Variants in RIOX2 observed in about 807,000 individuals in gnomAD.
RIOX2 encodes the protein ribosomal oxygenase 2.
A neutral mutation model predicts 51.2 loss-of-function variants in RIOX2; 43 were observed. The observed-to-expected ratio is 0.84, with a 90% CI of 0.66 to 1.08. The LOEUF (loss-of-function observed/expected upper bound fraction) is 1.08. Among genes scored for constraint, RIOX2 ranks in the 50% least tolerant of loss-of-function variants. RIOX2 has a pLI of 0.00. For missense variants in RIOX2, 566 were observed against 561.7 expected, an observed-to-expected ratio of 1.01 and a Z score of -0.08; for synonymous variants, 226 against 218.5, an observed-to-expected ratio of 1.03 and a Z score of -0.30.
Position 97,961,647 on chromosome 3 carries a change from T to A in RIOX2, c.494A>T (p.Asn165Ile). ...AGATCCTGCGGGAGTTATGTACACA[T>A]TCGAGCCAACCAAGGAGCCAAAGTA... Reference protein sequence around the residue: ...ECYFGSLVGSNVYITPAGSQG... With the variant: ...ECYFGSLVGSIVYITPAGSQG... The change falls in exon 3 of 10, where the codon AAT becomes ATT. Residue 165 changes from asparagine (N) to isoleucine (I), a missense_variant. Transcript: ENST00000394198. The A allele has an allele frequency of 6.2e-7, 1 of 1,612,906 alleles. No homozygotes were observed. Among genetic ancestry groups the A allele is most frequent in the Non-Finnish European group, 8.5e-7 (1 of 1,179,708 alleles).
At chr3:97,957,525 A>G (rs1055358596) in intron 4 of RIOX2, among the ~76,000 whole-genome samples, 1 of 151,074 alleles carries the variant, frequency 6.6e-6, no homozygotes, top group South Asian at 2.1e-4. Context: ...TGACATGCAC[A>G]TACACATACA....
chr3:97,963,696 T>C (rs1222486719), intron 2 of RIOX2, among the ~76,000 whole-genome samples: 2 of 152,186 alleles, frequency 1.3e-5, no homozygotes, highest in South Asian at 2.1e-4. Context: ...TAGGTGATTT[T>C]ATGGTTCCCG....
At position 97,942,670 on chromosome 3, in the gene RIOX2, C is replaced by T; in HGVS notation, c.*2514G>A. 1 of 399,372 alleles carries T rather than the reference C, an allele frequency of 2.5e-6. No individual in the cohort carries two copies. Among genetic ancestry groups the T allele is most frequent in the South Asian group, 5.9e-5 (1 of 17,086 alleles). The allele number at this position is 399,372 out of a possible 1,614,324, so 24.7% of individuals were successfully genotyped here. A position where few individuals can be genotyped will look rare whatever the true frequency, so the allele number is the denominator to read the frequency against. ...TTCATTAGTACAGTTGTAAAACTTT[C>T]ATTTGCTACGTGAACTCAGAACAGT... is the stretch of plus-strand genomic sequence containing the variant. On this transcript the variant is annotated 3_prime_UTR_variant, in exon 10 of 10. Transcript: ENST00000394198.
Position 97,943,148 on chromosome 3 carries a change from C to CAG in RIOX2, c.*2034_*2035dup, listed in dbSNP as rs1418197906. 1 of 784,722 alleles carries CAG rather than the reference C, an allele frequency of 1.3e-6. No individual in the cohort carries two copies. Among genetic ancestry groups the CAG allele is most frequent in the Non-Finnish European group, 2.1e-6 (1 of 465,440 alleles). 48.6% of individuals were successfully genotyped at this position (784,722 alleles called of 1,614,324 possible). ...TCATCCACCGAAATGGTGAGCTGAA[C>CAG]AGAAGCTTGTGAAAATTGTGAAATT... On this transcript the variant is annotated 3_prime_UTR_variant, in exon 10 of 10. Transcript: ENST00000394198.
Position 97,954,477 on chromosome 3 carries a change from A to T in RIOX2, c.700T>A (p.Phe234Ile). The change falls in exon 5 of 10, where the codon TTT becomes ATT. Residue 234 changes from phenylalanine to isoleucine, a missense_variant. Coordinates refer to ENST00000394198, the MANE Select transcript of RIOX2 (RefSeq NM_153182.4). ...GCTTGATGAATGGTTCCTCTGGGAAAGTACAACAAATCACCCGGCTAAAGG... is the reference window on the plus strand; with the variant it reads ...GCTTGATGAATGGTTCCTCTGGGAATGTACAACAAATCACCCGGCTAAAGG... ...FMLKPGDLLY[F>I]PRGTIHQADT... The T allele has an allele frequency of 6.2e-7, 1 of 1,614,064 alleles. No homozygotes were observed. The highest frequency in any genetic ancestry group is 8.5e-7 in the Non-Finnish European group (1 of 1,179,958).
chr3:97,958,011 C>T (rs1705516280), intron 4 of RIOX2, among the ~76,000 whole-genome samples: 2 of 152,130 alleles, frequency 1.3e-5, no homozygotes, highest in African/African-American at 4.8e-5. Context: ...CCATGGGCCA[C>T]AGTTTGATGA....
chr3:97,967,749 AG>A, intron 1 of RIOX2, 117 bp from the exon 2 acceptor site: 1 of 686,862 alleles, frequency 1.5e-6, no homozygotes, highest in Non-Finnish European at 2.3e-6. Flanking sequence ...AACTCTTCAT[AG>A]GTCAAAGCTA....
intron 1 of RIOX2, among the ~76,000 whole-genome samples, chr3:97,971,005 A>G (rs564869316): frequency 1.3e-5 from 2 of 152,340 alleles, no homozygotes; most frequent in South Asian, 2.1e-4. Flanking sequence ...TCACATTTTC[A>G]TCTTTTGTCT....
At chr3:97,964,123 G>A (rs1301411727) in intron 2 of RIOX2, among the ~76,000 whole-genome samples, 1 of 152,128 alleles carries the variant, frequency 6.6e-6, no homozygotes, top group African/African-American at 2.4e-5. Context: ...ACAGTGAAAG[G>A]GAGAAGGTGG....
chr3:97,969,788 G>A lies in RIOX2; in HGVS notation c.-39-2156C>T, dbSNP rs555827188. ...CAGTGTGACCGCTCGAAGACCCTTG[G>A]AGCCTTGCACTTGGTATCCCCAGAA... On this transcript the variant is annotated intron_variant, in intron 1 of 9. Coordinates refer to ENST00000394198, the MANE Select transcript of RIOX2 (RefSeq NM_153182.4). 4.6e-5 allele frequency among the ~76,000 whole-genome samples: 7 copies of A among 152,318 alleles called. No individual in the cohort carries two copies. In the South Asian group the frequency reaches 1.5e-3, roughly 32 times the overall value.
chr3:97,945,944 G>A, intron 8 of RIOX2, 57 bp from the exon 9 acceptor site: 2 of 1,268,084 alleles, frequency 1.6e-6, no homozygotes, highest in Admixed American at 2.0e-5. Context: ...GAAGGTGTCA[G>A]TACTAGGAAG....
chr3:97,953,181 C>T (rs1167229976), intron 5 of RIOX2, among the ~76,000 whole-genome samples: 1 of 152,056 alleles, frequency 6.6e-6, no homozygotes, highest in African/African-American at 2.4e-5. Flanking sequence ...CTCTAATGCC[C>T]CTACTTAGCT....
chr3:97,966,280 C>T (rs78841249), intron 2 of RIOX2, among the ~76,000 whole-genome samples: 1 of 152,184 alleles, frequency 6.6e-6, no homozygotes, highest in Non-Finnish European at 1.5e-5. Flanking sequence ...TGGAACCTCA[C>T]AAACCCCTCT....
intron 2 of RIOX2, among the ~76,000 whole-genome samples, chr3:97,963,896 C>A (rs906618081): frequency 2.6e-5 from 4 of 152,186 alleles, no homozygotes; most frequent in Admixed American, 2.6e-4. Context: ...AAGGTGACTT[C>A]AGTTGTTTAT....
intron 2 of RIOX2, 142 bp downstream of exon 2, chr3:97,967,020 T>A: frequency 1.2e-6 from 1 of 838,724 alleles, no homozygotes; most frequent in Non-Finnish European, 1.9e-6. Flanking sequence ...TAGAATGCAT[T>A]TAGACCAAAG....
rs372441713 is a variant in RIOX2, at chr3:97,943,174, G to A, written c.*2010C>T. Reference sequence around the variant, plus strand: ...AGAAGCTTGTGAAAATTGTGAAATTGCTAAGCACCTGCCTGAACAAATAAT... The same window carrying A: ...AGAAGCTTGTGAAAATTGTGAAATTACTAAGCACCTGCCTGAACAAATAAT... On this transcript the variant is annotated 3_prime_UTR_variant, in exon 10 of 10. Coordinates refer to ENST00000394198, the MANE Select transcript of RIOX2 (RefSeq NM_153182.4). The A allele has an allele frequency of 9.9e-6, 10 of 1,006,238 alleles. No individual in the cohort carries two copies. The Middle Eastern group carries it at 6.7e-4, about 67-fold the overall frequency. The allele number at this position is 1,006,238 out of a possible 1,614,324, so 62.3% of individuals were successfully genotyped here.
At position 97,942,309 on chromosome 3, in the gene RIOX2, T is replaced by G. The variant is rs147784195; in HGVS notation, c.*2875A>C. ...GCCAGTGATACATGTCTTGATGTGA[T>G]TGGTGGCCGGGACACACCTGGAGCT... On this transcript the variant is annotated 3_prime_UTR_variant, in exon 10 of 10. Coordinates refer to ENST00000394198, the MANE Select transcript of RIOX2 (RefSeq NM_153182.4). The G allele has an allele frequency of 3.0e-4, 484 of 1,610,832 alleles. No homozygotes were observed. The African/African-American group carries it at 5.8e-3, about 19-fold the overall frequency.
intron 1 of RIOX2, among the ~76,000 whole-genome samples, 164 bp from the exon 2 acceptor site, chr3:97,967,796 C>A (rs902902817): frequency 6.6e-6 from 1 of 152,160 alleles, no homozygotes; most frequent in African/African-American, 2.4e-5. Flanking sequence ...TAAGCCAATG[C>A]CATTTCTTCT....
chr3:97,961,613 C>T lies in RIOX2; in HGVS notation c.528G>A (p.Leu176=). Residue 176 remains leucine, a synonymous_variant, in exon 3 of 10, where the codon CTG becomes CTA. Transcript: ENST00000394198. The stretch of plus-strand genomic sequence containing the variant: ...CCTCGACATCATCATAATGGGGCGG[C>T]AGGCCCTGAGATCCTGCGGGAGTTA... ...VYITPAGSQG[L]PPHYDDVEVF... 1 of 1,605,286 alleles carries T rather than the reference C, an allele frequency of 6.2e-7. No homozygotes were observed. The highest frequency in any genetic ancestry group is 1.3e-5 in the African/African-American group (1 of 74,456).
Sources: gnomAD v4.1 joint callset for allele counts (sites outside exome capture counted in the v4.1 genomes callset) on GRCh38, gnomAD v4.1.1 for gene constraint, MANE v1.5 for transcripts, NCBI Gene and HGNC (gene_info 2026-07-23, HGNC 2026-07-21) for gene names.